Variants in MTR observed in about 807,000 individuals in gnomAD.
The protein encoded by MTR is methionine synthase.
Under a neutral mutation model 154.8 loss-of-function variants are expected in MTR, and 84 were observed. The ratio of observed to expected loss-of-function variants is 0.54; its 90% CI spans 0.45 to 0.65. The LOEUF (loss-of-function observed/expected upper bound fraction) is 0.65. Ranked by LOEUF, MTR falls within the 30% of genes least tolerant of loss-of-function variation. MTR has a pLI of 0.00. For missense variants in MTR, 1,275 were observed against 1,570.2 expected, an observed-to-expected ratio of 0.81 and a Z score of 3.18; for synonymous variants, 554 against 553.9, an observed-to-expected ratio of 1.00 and a Z score of 0.00.
chr1:236,833,143 G>C (rs1369739041), intron 13 of MTR, among the ~76,000 whole-genome samples: 3 of 152,140 alleles, frequency 2.0e-5, no homozygotes, highest in Non-Finnish European at 4.4e-5. Context: ...CAGGAGGCTC[G>C]CTTCTGACTC....
rs114945258 is a variant in MTR, at chr1:236,866,765, C to T, written c.2405+3211C>T. On this transcript the variant is annotated intron_variant, in intron 22 of 32. Coordinates refer to ENST00000366577, the MANE Select transcript of MTR (RefSeq NM_000254.3). The stretch of plus-strand genomic sequence containing the variant: ...CTGTTATGAGGAAAGTTTGAGTGGT[C>T]TGGATAGAAGATTAAACCAGCCACA... Among the ~76,000 whole-genome samples, 772 of 152,290 alleles carry T rather than the reference C, an allele frequency of 5.1e-3. 5 individuals carry two copies. Among genetic ancestry groups the T allele is most frequent in the Non-Finnish European group, 7.0e-3 (477 of 68,022 alleles).
chr1:236,801,741 A>G (rs1248638117), intron 1 of MTR, among the ~76,000 whole-genome samples: 1 of 152,162 alleles, frequency 6.6e-6, no homozygotes, highest in Non-Finnish European at 1.5e-5. Context: ...CACAGAAGGA[A>G]TGGGTTGGCG....
intron 18 of MTR, among the ~76,000 whole-genome samples, chr1:236,853,880 C>T (rs1435344406): frequency 2.0e-5 from 3 of 152,168 alleles, no homozygotes. Flanking sequence ...GTCCTAGGCA[C>T]ATGAAGTATC....
chr1:236,897,421 A>G (rs1323586281), intron 32 of MTR, 137 bp from the exon 33 acceptor site: 6 of 867,030 alleles, frequency 6.9e-6, no homozygotes, highest in African/African-American at 3.4e-5. Flanking sequence ...ATAAATATCT[A>G]TCTCCATTTA....
chr1:236,810,241 A>G (rs1207610487), intron 4 of MTR, among the ~76,000 whole-genome samples: 2 of 152,212 alleles, frequency 1.3e-5, no homozygotes, highest in South Asian at 2.1e-4. Flanking sequence ...GGGCAGCCCC[A>G]TGATCAAATA....
At chr1:236,865,265 T>C (rs1664762330) in intron 22 of MTR, among the ~76,000 whole-genome samples, 1 of 152,254 alleles carries the variant, frequency 6.6e-6, no homozygotes, top group South Asian at 2.1e-4. Context: ...TGATGAAACG[T>C]TACTTTCATT....
intron 8 of MTR, chr1:236,819,989 GC>G: frequency 1.8e-6 from 2 of 1,140,902 alleles, no homozygotes; most frequent in Non-Finnish European, 2.6e-6. Flanking sequence ...CCTTCCGGGA[GC>G]CATGGCTTCT....
At chr1:236,819,427 A>C (rs1358124500) in intron 8 of MTR, among the ~76,000 whole-genome samples, 1 of 152,192 alleles carries the variant, frequency 6.6e-6, no homozygotes, top group Non-Finnish European at 1.5e-5. Context: ...TGTAGGCTCG[A>C]TAGCTTATTT....
At chr1:236,804,089 GC>G (rs2103015624) in intron 2 of MTR, among the ~76,000 whole-genome samples, 1 of 152,334 alleles carries the variant, frequency 6.6e-6, no homozygotes, top group Non-Finnish European at 1.5e-5. Context: ...CAGTCAAAGT[GC>G]CAGCAGATCC....
intron 15 of MTR, among the ~76,000 whole-genome samples, chr1:236,845,457 C>T (rs890751492): frequency 1.3e-5 from 2 of 152,174 alleles, no homozygotes; most frequent in African/African-American, 2.4e-5. Context: ...GTAGTATAAA[C>T]TGGTACAGTC....
chr1:236,851,125 A>G (rs974115898), intron 16 of MTR, among the ~76,000 whole-genome samples: 1 of 152,108 alleles, frequency 6.6e-6, no homozygotes, highest in African/African-American at 2.4e-5. Context: ...TTTATTTGTG[A>G]CCCCAAAATC....
At chr1:236,806,101 A>G (rs771918341) in intron 2 of MTR, 43 bp from the exon 3 acceptor site, 2 of 1,543,888 alleles carry the variant, frequency 1.3e-6, no homozygotes, top group African/African-American at 2.7e-5. Context: ...GGGGCACAAG[A>G]AACTCTAAAG....
At chr1:236,896,586 T>C (rs992288078) in intron 31 of MTR, among the ~76,000 whole-genome samples, 5 of 152,204 alleles carry the variant, frequency 3.3e-5, no homozygotes, top group African/African-American at 1.2e-4. Flanking sequence ...GTGGGTTCCT[T>C]CTTCACTGGA....
chr1:236,811,209 T>C (rs945652391), intron 5 of MTR, among the ~76,000 whole-genome samples: 3 of 152,108 alleles, frequency 2.0e-5, no homozygotes, highest in African/African-American at 7.2e-5. Context: ...GTAAGACTTA[T>C]TCACTCTTAT....
chr1:236,863,318 G>C, intron 21 of MTR, 136 bp from the exon 22 acceptor site: 2 of 763,700 alleles, frequency 2.6e-6, no homozygotes, highest in Admixed American at 2.0e-5. Flanking sequence ...TTTGGGCTTC[G>C]GTTTCCAGGT....
chr1:236,880,871 G>T, intron 25 of MTR, 35 bp downstream of exon 25: 1 of 1,569,290 alleles, frequency 6.4e-7, no homozygotes, highest in South Asian at 1.1e-5. Flanking sequence ...TTCCAGATGT[G>T]TTGGAAAGCT....
intron 29 of MTR, 105 bp downstream of exon 29, chr1:236,891,434 A>C: frequency 8.6e-7 from 1 of 1,157,326 alleles, no homozygotes; most frequent in Non-Finnish European, 1.3e-6. Flanking sequence ...CTCCTCCCAA[A>C]TGACCAATCA....
intron 29 of MTR, among the ~76,000 whole-genome samples, chr1:236,892,678 G>T (rs535145615): frequency 1.3e-5 from 2 of 152,100 alleles, no homozygotes; most frequent in South Asian, 2.1e-4. Context: ...CACTGTATGC[G>T]CCCAGGCTCG....
At position 236,826,591 on chromosome 1, in the gene MTR, C is replaced by T. The variant is rs1856769; in HGVS notation, c.928-238C>T. 0.35 allele frequency among the ~76,000 whole-genome samples: 52,768 copies of T among 152,114 alleles called. 9,971 individuals are homozygous for T. Among genetic ancestry groups the T allele is most frequent in the Non-Finnish European group, 0.41 (27,878 of 67,972 alleles). On this transcript the variant is annotated intron_variant, in intron 10 of 32. Coordinates refer to ENST00000366577, the MANE Select transcript of MTR (RefSeq NM_000254.3). Reference sequence around the variant, plus strand: ...GATTATAGGTGTGAGCCACCATACCCAGCCTCTCACTGCATTTTAAATGGT... The same window carrying T: ...GATTATAGGTGTGAGCCACCATACCTAGCCTCTCACTGCATTTTAAATGGT...
Sources: gnomAD v4.1 joint callset for allele counts (sites outside exome capture counted in the v4.1 genomes callset) on GRCh38, gnomAD v4.1.1 for gene constraint, MANE v1.5 for transcripts, NCBI Gene and HGNC (gene_info 2026-07-23, HGNC 2026-07-21) for gene names.